RFC3: variants seen among roughly 807,000 people sequenced by gnomAD.
The protein encoded by RFC3 is replication factor C subunit 3, also known as A1 38 kDa subunit.
A neutral mutation model predicts 45.1 loss-of-function variants in RFC3; 41 were observed. The ratio of observed to expected loss-of-function variants is 0.91; its 90% CI spans 0.71 to 1.18. RFC3 has a LOEUF of 1.18. Among genes scored for constraint, RFC3 ranks in the 50% most tolerant of loss-of-function variants. The pLI is 0.00. For synonymous variants in RFC3, 149 were observed against 144.0 expected, an observed-to-expected ratio of 1.03 and a Z score of -0.25; for missense variants, 423 against 428.1, an observed-to-expected ratio of 0.99 and a Z score of 0.10.
intron 8 of RFC3, chr13:33,848,089 C>G (rs1254290916): frequency 1.3e-5 from 2 of 152,170 alleles, no homozygotes; most frequent in Non-Finnish European, 2.9e-5. Flanking sequence ...CAAACTTTAG[C>G]TGAATTTCAC....
At chr13:33,888,509 A>G (rs556823732) in intron 8 of RFC3, among the ~76,000 whole-genome samples, 106 of 152,328 alleles carry the variant, frequency 7.0e-4, no homozygotes, top group Admixed American at 2.0e-3. Context: ...AGTAGCCACA[A>G]TGCTGCGTTA....
chr13:33,837,015 T>C lies in RFC3; in HGVS notation c.*720T>C. On this transcript the variant is annotated 3_prime_UTR_variant, in exon 9 of 9. Coordinates refer to ENST00000380071, the MANE Select transcript of RFC3 (RefSeq NM_002915.4). ...TGTCATTAGCTCTGCCCTTTTTAATTAAATATTTTGGTTCATGGACCAAAG... is the reference window on the plus strand; with the variant it reads ...TGTCATTAGCTCTGCCCTTTTTAATCAAATATTTTGGTTCATGGACCAAAG... The C allele has an allele frequency of 2.0e-6, 2 of 984,854 alleles. No homozygotes were observed. The highest frequency in any genetic ancestry group is 9.4e-5 in the South Asian group (2 of 21,272). 61.0% of individuals were successfully genotyped at this position (984,854 alleles called of 1,614,324 possible).
rs148716837 is a variant in RFC3 at position 33,941,139 on chromosome 13, G to C, written c.880-24948G>C. ...TGGGGAATTCCTGCCTTAAGCAGGG[G>C]AGGAGGCTGTTCTCTTCAGCAGGGG... On this transcript the variant is annotated intron_variant, in intron 8 of 8. Transcript: ENST00000434425. Among the ~76,000 whole-genome samples, 1,302 of 152,314 alleles carry C rather than the reference G, an allele frequency of 8.5e-3. 18 individuals are homozygous for C. Among genetic ancestry groups the C allele is most frequent in the African/African-American group, 0.029 (1,224 of 41,580 alleles).
intron 8 of RFC3, among the ~76,000 whole-genome samples, chr13:33,897,981 G>A (rs949269888): frequency 6.6e-6 from 1 of 151,670 alleles, no homozygotes; most frequent in African/African-American, 2.4e-5. Context: ...TACCTACTAT[G>A]TACTCATAAA....
At chr13:33,934,833 C>T (rs1308780884) in intron 8 of RFC3, among the ~76,000 whole-genome samples, 1 of 152,140 alleles carries the variant, frequency 6.6e-6, no homozygotes, top group African/African-American at 2.4e-5. Flanking sequence ...ATAAGCGTCT[C>T]TTCTGAGCCT....
downstream of RFC3, among the ~76,000 whole-genome samples, chr13:33,969,182 A>G (rs954183371): frequency 8.5e-5 from 13 of 152,226 alleles, no homozygotes; most frequent in African/African-American, 3.1e-4. Context: ...GGTTCTTCAC[A>G]TGCTGGATGA....
chr13:33,879,132 T>C (rs2082466247), intron 8 of RFC3, among the ~76,000 whole-genome samples: 1 of 152,210 alleles, frequency 6.6e-6, no homozygotes, highest in Non-Finnish European at 1.5e-5. Flanking sequence ...TGCTTTATTT[T>C]CTTATGTTTA....
chr13:33,876,637 T>G (rs2082448864), intron 8 of RFC3, among the ~76,000 whole-genome samples: 1 of 152,228 alleles, frequency 6.6e-6, no homozygotes, highest in Non-Finnish European at 1.5e-5. Flanking sequence ...TAGCAATTTA[T>G]TTTAGAATTT....
intron 8 of RFC3, among the ~76,000 whole-genome samples, chr13:33,948,118 G>C (rs561771492): frequency 2.0e-5 from 3 of 152,184 alleles, no homozygotes; most frequent in Admixed American, 1.3e-4. Context: ...ATCACAGACC[G>C]AGACCTAAGA....
chr13:33,823,425 T>C (rs1331033516), intron 2 of RFC3, among the ~76,000 whole-genome samples: 3 of 152,240 alleles, frequency 2.0e-5, no homozygotes, highest in Admixed American at 2.0e-4. Context: ...ATGCCATAGG[T>C]TGGTGTGTGA....
intron 8 of RFC3, among the ~76,000 whole-genome samples, chr13:33,952,994 T>A (rs1369750420): frequency 1.3e-5 from 2 of 152,202 alleles, no homozygotes; most frequent in Non-Finnish European, 2.9e-5. Context: ...TATAAAAAAT[T>A]GGCTAAGTAA....
chr13:33,908,969 C>T (rs1306118019), intron 8 of RFC3, among the ~76,000 whole-genome samples: 1 of 152,044 alleles, frequency 6.6e-6, no homozygotes, highest in Non-Finnish European at 1.5e-5. Context: ...CTAATTGAGG[C>T]CCACCACAGT....
chr13:33,818,866 A>G (rs896184012), intron 1 of RFC3, among the ~76,000 whole-genome samples: 4 of 147,722 alleles, frequency 2.7e-5, no homozygotes, highest in African/African-American at 9.9e-5. Flanking sequence ...TTGTATTAGG[A>G]CGTTCCTGAG....
intron 2 of RFC3, among the ~76,000 whole-genome samples, chr13:33,823,599 C>T (rs1390881659): frequency 1.3e-5 from 2 of 151,886 alleles, no homozygotes; most frequent in Admixed American, 1.3e-4. Flanking sequence ...TTTGTGTTAA[C>T]ATGGGAAAGA....
At chr13:33,900,724 AAC>A (rs1317641358) in intron 8 of RFC3, among the ~76,000 whole-genome samples, 2 of 152,076 alleles carry the variant, frequency 1.3e-5, no homozygotes, top group African/African-American at 4.8e-5. Context: ...CAACAAAAGA[AAC>A]AATCAACAAA....
intron 8 of RFC3, chr13:33,849,040 G>A (rs2082258519): frequency 7.9e-6 from 1 of 126,534 alleles, no homozygotes; most frequent in East Asian, 2.2e-4. Context: ...ATGAATGCAG[G>A]ATGATAGATA....
At chr13:33,819,819 C>T (rs1245272322) in intron 1 of RFC3, among the ~76,000 whole-genome samples, 1 of 152,114 alleles carries the variant, frequency 6.6e-6, no homozygotes, top group African/African-American at 2.4e-5. Context: ...CCTGTTTACT[C>T]TTTTATTTGC....
intron 8 of RFC3, among the ~76,000 whole-genome samples, chr13:33,917,784 T>C (rs1020060609): frequency 5.3e-5 from 8 of 151,840 alleles, no homozygotes; most frequent in African/African-American, 1.7e-4. Context: ...CACTTAAAAA[T>C]GAAAAGAGAC....
At chr13:33,868,510 C>T (rs982160528) in intron 8 of RFC3, among the ~76,000 whole-genome samples, 5 of 152,204 alleles carry the variant, frequency 3.3e-5, no homozygotes, top group African/African-American at 7.2e-5. Flanking sequence ...TCAGGCTGGT[C>T]ATGGGGCAAG....
Sources: allele counts gnomAD v4.1 joint callset (sites outside exome capture counted in the v4.1 genomes callset), GRCh38; gene constraint gnomAD v4.1.1; transcripts MANE v1.5; gene names NCBI Gene and HGNC (gene_info 2026-07-23, HGNC 2026-07-21).